Variants in KCNK1 observed in about 807,000 individuals in gnomAD.
The protein encoded by KCNK1 is potassium two pore domain channel subfamily K member 1.
KCNK1 carries 10 observed loss-of-function variants against 22.2 expected under a neutral mutation model. That is an observed-to-expected ratio of 0.45 (90% CI 0.28 to 0.76). The LOEUF is 0.76. Among genes scored for constraint, KCNK1 ranks in the 30% least tolerant of loss-of-function variants. The pLI, the probability that KCNK1 is intolerant of heterozygous loss-of-function variation, is 0.14. For missense variants in KCNK1, 378 were observed against 421.0 expected (o/e 0.90, Z 0.89); for synonymous variants, 200 against 186.4 (o/e 1.07, Z -0.60).
chr1:233,640,848 C>G (rs925699385), intron 1 of KCNK1, among the ~76,000 whole-genome samples: 6 of 152,090 alleles, frequency 3.9e-5, no homozygotes, highest in African/African-American at 1.4e-4. Flanking sequence ...AAGATTAAAG[C>G]CTTGTGCCAC....
At chr1:233,617,211 A>G (rs948588025) in intron 1 of KCNK1, among the ~76,000 whole-genome samples, 1 of 152,296 alleles carries the variant, frequency 6.6e-6, no homozygotes, top group African/African-American at 2.4e-5. Context: ...ACACAGGCCC[A>G]TGAGTGCTTT....
chr1:233,618,061 C>G (rs1471085040), intron 1 of KCNK1, among the ~76,000 whole-genome samples: 2 of 152,312 alleles, frequency 1.3e-5, no homozygotes, highest in Non-Finnish European at 2.9e-5. Context: ...TTCCTTTTCT[C>G]AGGATATAGG....
chr1:233,629,155 G>A (rs1271585681), intron 1 of KCNK1, among the ~76,000 whole-genome samples: 1 of 152,160 alleles, frequency 6.6e-6, no homozygotes, highest in East Asian at 1.9e-4. Flanking sequence ...AGCCAGCTGG[G>A]GAGACTCGAC....
At chr1:233,632,080 G>A (rs1657807492) in intron 1 of KCNK1, among the ~76,000 whole-genome samples, 1 of 152,180 alleles carries the variant, frequency 6.6e-6, no homozygotes, top group South Asian at 2.1e-4. Context: ...GTGCTTACTG[G>A]AACAGGAAAA....
Position 233,614,253 on chromosome 1 carries a change from C to G in KCNK1, c.82C>G (p.Leu28Val), listed in dbSNP as rs1657439678. 6.2e-7 allele frequency: 1 copy of G among 1,613,232 alleles called. No homozygotes were observed. Among genetic ancestry groups the G allele is most frequent in the Non-Finnish European group, 8.5e-7 (1 of 1,179,928 alleles). The change falls in exon 1 of 3, where the codon CTG (leucine) becomes GTG (valine). Residue 28 changes from leucine to valine, a missense_variant. By Grantham distance (32) the Leu-to-Val change is conservative (BLOSUM62 1). Transcript: ENST00000366621. Reference protein sequence around the residue: ...RSAWCFGFLVLGYLLYLVFGA... With the variant: ...RSAWCFGFLVVGYLLYLVFGA... The stretch of plus-strand genomic sequence containing the variant: ...GGCCTGGTGCTTCGGCTTCCTGGTG[C>G]TGGGCTACTTGCTCTACCTGGTCTT...
intron 1 of KCNK1, among the ~76,000 whole-genome samples, chr1:233,664,573 G>A (rs1214501001): frequency 6.6e-6 from 1 of 152,276 alleles, no homozygotes; most frequent in Middle Eastern, 3.4e-3. Flanking sequence ...CAAAGCCCTG[G>A]AATCTCTCCA....
At chr1:233,650,665 C>T (rs974435996) in intron 1 of KCNK1, among the ~76,000 whole-genome samples, 26 of 152,112 alleles carry the variant, frequency 1.7e-4, no homozygotes, top group African/African-American at 6.3e-4. Context: ...ATAGTCTTCA[C>T]ATTTGACAGA....
At chr1:233,662,011 CTG>C (rs1228681718) in intron 1 of KCNK1, 1 of 152,212 alleles carries the variant, frequency 6.6e-6, no homozygotes, top group Non-Finnish European at 1.5e-5. Context: ...TTGGACAGCA[CTG>C]TGTTTGGGGA....
chr1:233,614,202 G>T lies in KCNK1; in HGVS notation c.31G>T (p.Val11Leu). 6.2e-7 allele frequency: 1 copy of T among 1,608,512 alleles called. No individual in the cohort carries two copies. The highest frequency in any genetic ancestry group is 2.0e-4 in the Middle Eastern group (1 of 5,014). ...GCAGTCCCTGGCCGGCAGCTCGTGC[G>T]TGCGCCTGGTGGAGCGGCACCGCTC... MLQSLAGSSC[V>L]RLVERHRSAW... The change falls in exon 1 of 3, where the codon GTG (valine) becomes TTG (leucine). Residue 11 changes from valine to leucine, a missense_variant. By Grantham distance (32) the Val-to-Leu change is conservative (BLOSUM62 1). Coordinates refer to ENST00000366621, the MANE Select transcript of KCNK1 (RefSeq NM_002245.4).
intron 1 of KCNK1, among the ~76,000 whole-genome samples, chr1:233,635,836 CATAAA>C (rs1398010186): frequency 3.9e-5 from 6 of 152,054 alleles, no homozygotes; most frequent in Non-Finnish European, 8.8e-5. Context: ...AAATATTTTA[CATAAA>C]ATAAGTGTTA....
In KCNK1 at chr1:233,642,482, G is replaced by A. The variant is rs59806817; in HGVS notation, c.356-24113G>A. Among the ~76,000 whole-genome samples, 1,723 of 152,312 alleles carry A rather than the reference G, an allele frequency of 0.011. 92 individuals carry two copies. In the East Asian group the frequency reaches 0.15, roughly 13 times the overall value. The stretch of plus-strand genomic sequence containing the variant: ...AGACAGGTCAGAAAGATGAAAGGGA[G>A]CAGCATGTACAAAATCATGCAAGTG... On this transcript the variant is annotated intron_variant, in intron 1 of 2. Transcript: ENST00000366621.
intron 2 of KCNK1, among the ~76,000 whole-genome samples, chr1:233,670,118 A>ATT (rs992005788): frequency 6.6e-6 from 1 of 151,228 alleles, no homozygotes; most frequent in Non-Finnish European, 1.5e-5. Context: ...CCTTTTTATG[A>ATT]TTTTTTTTTC....
chr1:233,650,759 C>T (rs2102901256), intron 1 of KCNK1, among the ~76,000 whole-genome samples: 1 of 151,746 alleles, frequency 6.6e-6, no homozygotes, highest in East Asian at 1.9e-4. Flanking sequence ...AAATGTGATT[C>T]CTCAGCCCGT....
At chr1:233,670,927 C>T (rs1291455368) in intron 2 of KCNK1, among the ~76,000 whole-genome samples, 1 of 152,178 alleles carries the variant, frequency 6.6e-6, no homozygotes, top group Non-Finnish European at 1.5e-5. Context: ...GGCAAACCCT[C>T]CTTGCATAAA....
chr1:233,666,751 G>A lies in KCNK1; in HGVS notation c.512G>A (p.Arg171His), dbSNP rs143945189. 0.01 allele frequency: 16,664 copies of A among 1,614,132 alleles called. 94 individuals carry two copies. The highest frequency in any genetic ancestry group is 0.015 in the Middle Eastern group (89 of 6,062). The change falls in exon 2 of 3, where the codon CGC becomes CAC. Residue 171 changes from arginine (R) to histidine (H), a missense_variant. Transcript: ENST00000366621. ...AGGCCGGTCCTCTACTTCCACATCC[G>A]CTGGGGCTTCTCCAAGCAGGTGGTG... Reference protein sequence around the residue: ...TRRPVLYFHIRWGFSKQVVAI... With the variant: ...TRRPVLYFHIHWGFSKQVVAI...
intron 1 of KCNK1, among the ~76,000 whole-genome samples, chr1:233,633,376 A>AACCTAC (rs768775313): frequency 1.3e-5 from 2 of 152,084 alleles, no homozygotes; most frequent in Non-Finnish European, 2.9e-5. Flanking sequence ...TTATCATGTT[A>AACCTAC]AAATAAGCTA....
chr1:233,623,629 C>T (rs540282592), intron 1 of KCNK1, among the ~76,000 whole-genome samples: 1 of 152,330 alleles, frequency 6.6e-6, no homozygotes, highest in Admixed American at 6.5e-5. Context: ...CGCTCTGTCA[C>T]CCAGGCTGGA....
intron 1 of KCNK1, among the ~76,000 whole-genome samples, chr1:233,666,020 C>G (rs1258756546): frequency 1.3e-5 from 2 of 152,208 alleles, no homozygotes; most frequent in African/African-American, 4.8e-5. Flanking sequence ...CATTTTTCTT[C>G]CGCTTTTTGA....
chr1:233,634,773 T>C (rs960829958), intron 1 of KCNK1, among the ~76,000 whole-genome samples: 1 of 152,226 alleles, frequency 6.6e-6, no homozygotes, highest in Non-Finnish European at 1.5e-5. Context: ...AATCACTTAA[T>C]GAAAAGCTGA....
Sources: gnomAD v4.1 joint callset for allele counts (sites outside exome capture counted in the v4.1 genomes callset) on GRCh38, gnomAD v4.1.1 for gene constraint, MANE v1.5 for transcripts, NCBI Gene and HGNC (gene_info 2026-07-23, HGNC 2026-07-21) for gene names.